The following USH2A variants were observed in gnomAD, a reference collection of about 807,000 sequenced individuals.
USH2A encodes the protein Usher syndrome 2A (autosomal recessive, mild).
A neutral mutation model predicts 538.9 loss-of-function variants in USH2A; 443 were observed. That is an observed-to-expected ratio of 0.82 (90% CI 0.76 to 0.89). The LOEUF (loss-of-function observed/expected upper bound fraction) is 0.89, where lower values mean the gene tolerates loss of function less well. Among genes scored for constraint, USH2A ranks in the 40% least tolerant of loss-of-function variants. The pLI, the probability that USH2A is intolerant of heterozygous loss-of-function variation, is 0.00. For missense variants in USH2A, 6,633 were observed against 6,324.8 expected (o/e 1.05, Z -1.65); for synonymous variants, 2,413 against 2,273.5 (o/e 1.06, Z -1.75).
At chr1:215,759,395 T>C (rs1660911045) in intron 57 of USH2A, among the ~76,000 whole-genome samples, 1 of 152,168 alleles carries the variant, frequency 6.6e-6, no homozygotes, top group Non-Finnish European at 1.5e-5. Flanking sequence ...TGGTAATTTT[T>C]AAAGTTTAAT....
chr1:215,920,193 CTG>C (rs1162228291), intron 38 of USH2A, among the ~76,000 whole-genome samples: 1 of 152,020 alleles, frequency 6.6e-6, no homozygotes, highest in Non-Finnish European at 1.5e-5. Flanking sequence ...GATTCAGAAA[CTG>C]TGGGGAAGGA....
chr1:215,912,515 GTA>G (rs1279309340), intron 38 of USH2A, among the ~76,000 whole-genome samples: 26 of 20,304 alleles, frequency 1.3e-3, no homozygotes, highest in African/African-American at 2.0e-3. Flanking sequence ...ATATATACGT[GTA>G]TATATATATA....
intron 21 of USH2A, among the ~76,000 whole-genome samples, chr1:216,169,337 CA>C (rs969506346): frequency 4.0e-5 from 6 of 151,092 alleles, no homozygotes; most frequent in South Asian, 2.1e-4. Context: ...ATTAATATTT[CA>C]AAAAAAAGGG....
At chr1:216,379,359 C>G (rs1320016919) in intron 3 of USH2A, among the ~76,000 whole-genome samples, 1 of 152,052 alleles carries the variant, frequency 6.6e-6, no homozygotes, top group Non-Finnish European at 1.5e-5. Flanking sequence ...AAGTTTTCAT[C>G]ATGATTGTGT....
rs562470913 is a variant in USH2A, at chr1:215,696,935, A to G, written c.12067-16559T>C. Among the ~76,000 whole-genome samples the G allele has an allele frequency of 7.5e-4, 113 of 151,544 alleles. 1 individual carries two copies. The highest frequency in any genetic ancestry group is 2.5e-3 in the African/African-American group (103 of 41,192). On this transcript the variant is annotated intron_variant, in intron 61 of 71. Transcript: ENST00000307340. Reference sequence around the variant, plus strand: ...GCCGTGGTCATATTAAAACACTTCCATTACACCCTCTTTTTTTTTTGTTTG... The same window carrying G: ...GCCGTGGTCATATTAAAACACTTCCGTTACACCCTCTTTTTTTTTTGTTTG...
chr1:215,932,164 G>C (rs1334727983), intron 38 of USH2A, among the ~76,000 whole-genome samples: 1 of 151,868 alleles, frequency 6.6e-6, no homozygotes, highest in Admixed American at 6.6e-5. Context: ...ATCACCATAA[G>C]AGAGATCTAA....
intron 4 of USH2A, among the ~76,000 whole-genome samples, chr1:216,332,439 A>G (rs561547164): frequency 3.9e-5 from 6 of 152,226 alleles, no homozygotes; most frequent in South Asian, 4.1e-4. Flanking sequence ...GCAAATCCTT[A>G]AAAAATGCCT....
chr1:215,965,291 A>G, intron 37 of USH2A, 26 bp downstream of exon 37: 1 of 1,602,362 alleles, frequency 6.2e-7, no homozygotes, highest in Non-Finnish European at 8.5e-7. Context: ...ATGTTATTTA[A>G]AGTTTAGAAA....
At chr1:216,405,581 A>T (rs1171573285) in intron 3 of USH2A, among the ~76,000 whole-genome samples, 1 of 152,200 alleles carries the variant, frequency 6.6e-6, no homozygotes, top group Non-Finnish European at 1.5e-5. Flanking sequence ...AATCTGGAGC[A>T]CTCATACATC....
intron 64 of USH2A, among the ~76,000 whole-genome samples, chr1:215,670,356 G>C (rs1657774694): frequency 6.6e-6 from 1 of 152,144 alleles, no homozygotes; most frequent in South Asian, 2.1e-4. Flanking sequence ...GTTATCACAA[G>C]AAGAATGCAA....
intron 35 of USH2A, among the ~76,000 whole-genome samples, chr1:215,987,700 A>C (rs1056593305): frequency 6.6e-6 from 1 of 152,180 alleles, no homozygotes; most frequent in Non-Finnish European, 1.5e-5. Flanking sequence ...AATAGCAAAA[A>C]CCACAGAAAT....
intron 64 of USH2A, among the ~76,000 whole-genome samples, chr1:215,666,131 C>G (rs560771709): frequency 1.3e-5 from 2 of 152,254 alleles, no homozygotes; most frequent in Admixed American, 1.3e-4. Context: ...TTCAGAATCC[C>G]AGAATTCTGG....
intron 21 of USH2A, among the ~76,000 whole-genome samples, chr1:216,116,167 CA>C (rs762394266): frequency 2.6e-4 from 39 of 151,946 alleles, no homozygotes; most frequent in Admixed American, 1.8e-3. Context: ...TTTTATACCT[CA>C]AATAAGATCC....
chr1:216,249,477 A>C (rs1274138378), intron 12 of USH2A, among the ~76,000 whole-genome samples: 1 of 152,278 alleles, frequency 6.6e-6, no homozygotes, highest in African/African-American at 2.4e-5. Context: ...AATATATCTC[A>C]CATTAAAGAA....
chr1:215,651,472 ACTGT>A (rs981786838), intron 64 of USH2A, among the ~76,000 whole-genome samples: 28 of 152,126 alleles, frequency 1.8e-4, no homozygotes, highest in African/African-American at 3.4e-4. Flanking sequence ...ATACAAGAAG[ACTGT>A]CTGCGTGTTT....
At chr1:216,209,562 G>A (rs59184930) in intron 15 of USH2A, among the ~76,000 whole-genome samples, 92 of 152,292 alleles carry the variant, frequency 6.0e-4, no homozygotes, top group African/African-American at 2.1e-3. Context: ...TATAATATAT[G>A]AACTCTGTCT....
chr1:215,786,228 T>G (rs7533099), intron 52 of USH2A, among the ~76,000 whole-genome samples: 19,460 of 152,212 alleles, frequency 0.13, 1,397 homozygotes, highest in African/African-American at 0.15. Flanking sequence ...AGAAATGTCA[T>G]GCTTGGGTTT....
chr1:216,307,062 G>C (rs976747395), intron 9 of USH2A, among the ~76,000 whole-genome samples: 4 of 152,154 alleles, frequency 2.6e-5, no homozygotes, highest in Non-Finnish European at 5.9e-5. Flanking sequence ...GTAGCATAGG[G>C]AGGATACAAG....
chr1:216,149,502 A>G (rs2033790653), intron 21 of USH2A, among the ~76,000 whole-genome samples: 1 of 152,136 alleles, frequency 6.6e-6, no homozygotes, highest in Non-Finnish European at 1.5e-5. Flanking sequence ...CCTCCAACTT[A>G]AAAAGGATTG....
Sources: gnomAD v4.1 joint callset for allele counts (sites outside exome capture counted in the v4.1 genomes callset) on GRCh38, gnomAD v4.1.1 for gene constraint, MANE v1.5 for transcripts, NCBI Gene and HGNC (gene_info 2026-07-23, HGNC 2026-07-21) for gene names.